SORCS2: variants seen among roughly 807,000 people sequenced by gnomAD.
The protein encoded by SORCS2 is VPS10 domain-containing receptor SorCS2.
Under a neutral mutation model 141.6 loss-of-function variants are expected in SORCS2, and 100 were observed. The observed-to-expected ratio is 0.71, with a 90% CI of 0.60 to 0.83. The LOEUF (loss-of-function observed/expected upper bound fraction) is 0.83, where lower values mean the gene tolerates loss of function less well. Ranked by LOEUF, SORCS2 falls within the 40% of genes least tolerant of loss-of-function variation. The probability of loss-of-function intolerance (pLI) is 0.00; values close to 1 mark genes in which losing one functional copy is unlikely to be tolerated. For missense variants in SORCS2, 1,646 were observed against 1,560.2 expected, an observed-to-expected ratio of 1.05 and a Z score of -0.93; for synonymous variants, 789 against 676.9, an observed-to-expected ratio of 1.17 and a Z score of -2.57.
chr4:7,360,773 CGG>C (rs1304083065), intron 1 of SORCS2, among the ~76,000 whole-genome samples: 1 of 151,190 alleles, frequency 6.6e-6, no homozygotes, highest in Non-Finnish European at 1.5e-5. Context: ...TTTATAGAGA[CGG>C]GGTTTCACCA....
intron 1 of SORCS2, among the ~76,000 whole-genome samples, chr4:7,332,651 C>T (rs1039963199): frequency 6.6e-6 from 1 of 152,260 alleles, no homozygotes; most frequent in Non-Finnish European, 1.5e-5. Flanking sequence ...ATCCACTGGG[C>T]CACCTGTCTA....
At chr4:7,700,050 C>G (rs928832767) in intron 12 of SORCS2, among the ~76,000 whole-genome samples, 1 of 152,194 alleles carries the variant, frequency 6.6e-6, no homozygotes, top group Non-Finnish European at 1.5e-5. Context: ...CCGTGTGCCC[C>G]CAGGGCTCCC....
At chr4:7,474,437 A>G (rs994576718) in intron 2 of SORCS2, among the ~76,000 whole-genome samples, 2 of 152,178 alleles carry the variant, frequency 1.3e-5, no homozygotes, top group Non-Finnish European at 2.9e-5. Context: ...CTCTTCAGAT[A>G]TTGGACACGT....
chr4:7,737,262 TG>T, intron 26 of SORCS2, 90 bp downstream of exon 26: 1 of 1,507,196 alleles, frequency 6.6e-7, no homozygotes, highest in Non-Finnish European at 8.9e-7. Flanking sequence ...GCCACCCCGC[TG>T]GGCCGCTGGG....
At chr4:7,322,218 C>T (rs549186935) in intron 1 of SORCS2, among the ~76,000 whole-genome samples, 35 of 152,200 alleles carry the variant, frequency 2.3e-4, no homozygotes, top group Non-Finnish European at 3.4e-4. Context: ...AGTGCTTGTC[C>T]TAGGGGCAGG....
In SORCS2 at chr4:7,526,735, C is replaced by T. The variant is rs1056168636; in HGVS notation, c.549-4795C>T. ...TAAGAGCGAGTCTCTCAGCTGGGGG[C>T]GCTGACGGTGGGGGCCGAAGGTGTA... On this transcript the variant is annotated intron_variant, in intron 2 of 26. Coordinates refer to ENST00000507866, the MANE Select transcript of SORCS2 (RefSeq NM_020777.3). 6.6e-5 allele frequency among the ~76,000 whole-genome samples: 10 copies of T among 152,134 alleles called. No homozygotes were observed. In the East Asian group the frequency reaches 9.6e-4, roughly 15 times the overall value.
intron 2 of SORCS2, among the ~76,000 whole-genome samples, chr4:7,526,820 A>G (rs1733726046): frequency 6.6e-6 from 1 of 152,252 alleles, no homozygotes; most frequent in Non-Finnish European, 1.5e-5. Context: ...TAAGAAATAA[A>G]GCCTATGGGT....
At chr4:7,436,072 C>T (rs745346246) in intron 2 of SORCS2, among the ~76,000 whole-genome samples, 49 of 152,230 alleles carry the variant, frequency 3.2e-4, no homozygotes, top group Non-Finnish European at 5.9e-5. Flanking sequence ...GTACAGGGGT[C>T]AGGAAGAGAA....
intron 1 of SORCS2, among the ~76,000 whole-genome samples, chr4:7,370,429 G>C (rs1722179694): frequency 6.6e-6 from 1 of 152,316 alleles, no homozygotes; most frequent in Admixed American, 6.5e-5. Context: ...AGGACAGCCT[G>C]GTCCATCTGG....
chr4:7,634,764 G>C (rs1335006385), intron 3 of SORCS2, among the ~76,000 whole-genome samples: 1 of 152,186 alleles, frequency 6.6e-6, no homozygotes, highest in Non-Finnish European at 1.5e-5. Flanking sequence ...TGACACGCAG[G>C]ATCCTGGCCG....
chr4:7,679,171 C>T (rs956920670), intron 9 of SORCS2, among the ~76,000 whole-genome samples: 28 of 152,274 alleles, frequency 1.8e-4, no homozygotes, highest in African/African-American at 6.7e-4. Flanking sequence ...GGTACTGCCT[C>T]GGAAGGCTGC....
At chr4:7,373,783 C>T (rs145402503) in intron 1 of SORCS2, among the ~76,000 whole-genome samples, 40 of 152,106 alleles carry the variant, frequency 2.6e-4, no homozygotes, top group African/African-American at 8.9e-4. Context: ...TAAGCCACCA[C>T]ACCTGGCCCC....
At chr4:7,456,178 AT>A (rs1393797721) in intron 2 of SORCS2, among the ~76,000 whole-genome samples, 1 of 152,138 alleles carries the variant, frequency 6.6e-6, no homozygotes, top group African/African-American at 2.4e-5. Context: ...AAATGTCCTC[AT>A]TTGACCTTAG....
chr4:7,307,799 GGTGT>G (rs893218494), intron 1 of SORCS2, among the ~76,000 whole-genome samples: 2 of 151,978 alleles, frequency 1.3e-5, no homozygotes, highest in African/African-American at 4.8e-5. Flanking sequence ...GTGTGTGCAT[GGTGT>G]GTGTATGAGT....
In SORCS2 at chr4:7,729,749, T is replaced by G. The variant is rs780351977; in HGVS notation, c.3108+37T>G. The G allele has an allele frequency of 3.8e-6, 6 of 1,594,924 alleles. No individual in the cohort carries two copies. In the East Asian group the frequency reaches 1.4e-4, roughly 36 times the overall value. ...GGCCGCTGCACTCCCAGGTCCTCCC[T>G]GCACATCCCAGGGCTCGGGTCATTT... On this transcript the variant is annotated intron_variant, in intron 23 of 26. Coordinates refer to ENST00000507866, the MANE Select transcript of SORCS2 (RefSeq NM_020777.3).
chr4:7,587,565 G>T (rs1483095905), intron 3 of SORCS2, among the ~76,000 whole-genome samples: 1 of 152,206 alleles, frequency 6.6e-6, no homozygotes, highest in African/African-American at 2.4e-5. Flanking sequence ...GCAGGCCCAG[G>T]GTCTGGTAGC....
In SORCS2 at chr4:7,285,034, A is replaced by G. The variant is rs57274498; in HGVS notation, c.480+91908A>G. Reference sequence around the variant, plus strand: ...CTGGGACCATCCCATATATATATATATATTTTTTTTTTTTTGAGATGGAGT... The same window carrying G: ...CTGGGACCATCCCATATATATATATGTATTTTTTTTTTTTTGAGATGGAGT... On this transcript the variant is annotated intron_variant, in intron 1 of 26. Coordinates refer to ENST00000507866, the MANE Select transcript of SORCS2 (RefSeq NM_020777.3). Among the ~76,000 whole-genome samples, 650 of 80,004 alleles carry G rather than the reference A, an allele frequency of 8.1e-3. 8 individuals are homozygous for G. The highest frequency in any genetic ancestry group is 0.023 in the African/African-American group (591 of 25,182). The allele number at this position is 80,004 out of a possible 152,430, so 52.5% of individuals were successfully genotyped here.
chr4:7,472,665 C>T (rs887163431), intron 2 of SORCS2, among the ~76,000 whole-genome samples: 4 of 152,100 alleles, frequency 2.6e-5, no homozygotes, highest in Non-Finnish European at 4.4e-5. Flanking sequence ...AGACTAAAGC[C>T]GGAAGAAGTG....
At chr4:7,681,000 G>A (rs1452525982) in intron 9 of SORCS2, among the ~76,000 whole-genome samples, 1 of 152,238 alleles carries the variant, frequency 6.6e-6, no homozygotes, top group African/African-American at 2.4e-5. Context: ...TGGTTTAGAT[G>A]ACTCAGATGA....
Sources: allele counts gnomAD v4.1 joint callset (sites outside exome capture counted in the v4.1 genomes callset), GRCh38; gene constraint gnomAD v4.1.1; transcripts MANE v1.5; gene names NCBI Gene and HGNC (gene_info 2026-07-23, HGNC 2026-07-21).